The following PTPN4 variants were observed in gnomAD, a reference collection of about 807,000 sequenced individuals.
PTPN4 encodes the protein tyrosine-protein phosphatase non-receptor type 4.
In PTPN4, 49 loss-of-function variants were observed where a neutral mutation model predicts 135.5. The observed-to-expected ratio is 0.36, with a 90% CI of 0.29 to 0.46. PTPN4 has a LOEUF of 0.46. PTPN4 is among the 20% of genes least tolerant of loss of function. PTPN4 has a pLI of 1.00. For synonymous variants in PTPN4, 333 were observed against 369.9 expected (o/e 0.90, Z 1.14); for missense variants, 860 against 1,101.0 (o/e 0.78, Z 3.10).
chr2:119,904,726 C>T (rs181756392), intron 10 of PTPN4, among the ~76,000 whole-genome samples: 36 of 152,190 alleles, frequency 2.4e-4, no homozygotes, highest in South Asian at 2.1e-3. Flanking sequence ...AGGCCAGGAG[C>T]GAATATGGTG....
intron 1 of PTPN4, among the ~76,000 whole-genome samples, chr2:119,777,009 G>A (rs1690849064): frequency 6.6e-6 from 1 of 152,082 alleles, no homozygotes; most frequent in African/African-American, 2.4e-5. Context: ...ATCCTTTAAC[G>A]GCTTCCATTC....
At chr2:119,952,349 T>C (rs776828815) in intron 19 of PTPN4, among the ~76,000 whole-genome samples, 1 of 152,128 alleles carries the variant, frequency 6.6e-6, no homozygotes, top group Non-Finnish European at 1.5e-5. Flanking sequence ...ACACTAGCTT[T>C]CTTGCAGTTA....
chr2:119,823,349 C>T (rs1056844637), intron 2 of PTPN4, among the ~76,000 whole-genome samples: 1 of 151,764 alleles, frequency 6.6e-6, no homozygotes, highest in African/African-American at 2.4e-5. Context: ...ATTCTCCTGT[C>T]TCAGCCTCCC....
At chr2:119,830,875 C>T (rs1677209804) in intron 2 of PTPN4, among the ~76,000 whole-genome samples, 2 of 152,174 alleles carry the variant, frequency 1.3e-5, no homozygotes, top group South Asian at 2.1e-4. Context: ...CAGATGCCAG[C>T]ATCATGCTTC....
At chr2:119,850,269 C>T (rs1314767485) in intron 2 of PTPN4, among the ~76,000 whole-genome samples, 1 of 152,208 alleles carries the variant, frequency 6.6e-6, no homozygotes, top group Non-Finnish European at 1.5e-5. Context: ...AAACTCCTGC[C>T]TTACAAGCAG....
At chr2:119,889,223 TC>T (rs1678204140) in intron 9 of PTPN4, among the ~76,000 whole-genome samples, 1 of 151,988 alleles carries the variant, frequency 6.6e-6, no homozygotes, top group Non-Finnish European at 1.5e-5. Flanking sequence ...ATTGAGACCA[TC>T]CTGGCTAACG....
At chr2:119,760,775 T>TG (rs1476934477) in intron 1 of PTPN4, among the ~76,000 whole-genome samples, 1 of 138,110 alleles carries the variant, frequency 7.2e-6, no homozygotes, top group African/African-American at 2.8e-5. Flanking sequence ...GAGCGCTTCT[T>TG]GCACGCTGCA....
chr2:119,844,697 C>T (rs1324744926), intron 2 of PTPN4, among the ~76,000 whole-genome samples: 2 of 150,670 alleles, frequency 1.3e-5, no homozygotes, highest in East Asian at 2.0e-4. Flanking sequence ...GATGTGATGG[C>T]GGCTGGGAAG....
intron 15 of PTPN4, among the ~76,000 whole-genome samples, chr2:119,940,060 C>G (rs139224309): frequency 1.3e-5 from 2 of 152,238 alleles, no homozygotes; most frequent in East Asian, 3.9e-4. Flanking sequence ...CACTTGGGAG[C>G]TAAGGGCAGA....
intron 2 of PTPN4, among the ~76,000 whole-genome samples, chr2:119,845,746 G>A (rs1182817824): frequency 4.6e-5 from 7 of 151,478 alleles, no homozygotes; most frequent in Admixed American, 4.6e-4. Context: ...TTCTTTCTTT[G>A]TGCTTTGGGT....
chr2:119,905,518 A>G, intron 10 of PTPN4, among the ~76,000 whole-genome samples: 1 of 152,228 alleles, frequency 6.6e-6, no homozygotes, highest in East Asian at 1.9e-4. Context: ...CCAATACAAT[A>G]GTAGTTGGGG....
chr2:119,833,633 G>A (rs1384791230), intron 2 of PTPN4, among the ~76,000 whole-genome samples: 2 of 152,034 alleles, frequency 1.3e-5, no homozygotes, highest in African/African-American at 4.8e-5. Context: ...ACCTTCAGTC[G>A]GAGTTACGGA....
intron 22 of PTPN4, among the ~76,000 whole-genome samples, chr2:119,959,310 A>C (rs923525830): frequency 3.9e-5 from 6 of 152,290 alleles, no homozygotes; most frequent in Non-Finnish European, 7.4e-5. Context: ...GAGTTAAATG[A>C]AAAATACGTG....
chr2:119,785,776 G>A (rs989185072), intron 1 of PTPN4, among the ~76,000 whole-genome samples: 3 of 152,156 alleles, frequency 2.0e-5, no homozygotes, highest in East Asian at 1.9e-4. Context: ...GAGTGCACAC[G>A]TGTGAGCAAT....
At chr2:119,878,900 T>C (rs1409004082) in intron 5 of PTPN4, among the ~76,000 whole-genome samples, 6 of 151,878 alleles carry the variant, frequency 4.0e-5, no homozygotes, top group East Asian at 3.9e-4. Context: ...AAGAACATCC[T>C]GGCTAACACG....
intron 2 of PTPN4, among the ~76,000 whole-genome samples, chr2:119,845,774 C>T (rs953736584): frequency 6.6e-6 from 1 of 152,012 alleles, no homozygotes; most frequent in Non-Finnish European, 1.5e-5. Flanking sequence ...TGTATAGTGT[C>T]TTCAGATAAA....
chr2:119,968,829 A>G (rs1283780031), intron 26 of PTPN4, among the ~76,000 whole-genome samples: 1 of 152,186 alleles, frequency 6.6e-6, no homozygotes, highest in Non-Finnish European at 1.5e-5. Flanking sequence ...CAAAAATTAC[A>G]GAAATTAAGT....
chr2:119,803,732 A>G (rs779993402), intron 1 of PTPN4, among the ~76,000 whole-genome samples: 8 of 152,186 alleles, frequency 5.3e-5, no homozygotes, highest in Non-Finnish European at 1.0e-4. Flanking sequence ...TGTATCAATT[A>G]TTGAGAAAGG....
rs544914408 is a variant in PTPN4 at position 119,809,761 on chromosome 2, A to C, written c.-17-76A>C. On this transcript the variant is annotated intron_variant, in intron 1 of 26. Coordinates refer to ENST00000263708, the MANE Select transcript of PTPN4 (RefSeq NM_002830.4). The stretch of plus-strand genomic sequence containing the variant: ...CCTAAGTTTTAATTGAGAAATATAT[A>C]ATAACTTTGCCTTTTAAACTACAGC... 6 of 1,260,306 alleles carry C rather than the reference A, an allele frequency of 4.8e-6. No individual in the cohort carries two copies. The South Asian group carries it at 1.0e-4, about 21-fold the overall frequency. 78.1% of individuals were successfully genotyped at this position (1,260,306 alleles called of 1,614,324 possible).
Sources: allele counts gnomAD v4.1 joint callset (sites outside exome capture counted in the v4.1 genomes callset), GRCh38; gene constraint gnomAD v4.1.1; transcripts MANE v1.5; gene names NCBI Gene and HGNC (gene_info 2026-07-23, HGNC 2026-07-21).